The following SORBS2 variants were observed in gnomAD, a reference collection of about 807,000 sequenced individuals.
SORBS2 encodes sorbin and SH3 domain-containing protein 2.
SORBS2 carries 46 observed loss-of-function variants against 97.7 expected under a neutral mutation model. That is an observed-to-expected ratio of 0.47 (90% CI 0.37 to 0.60). The LOEUF (loss-of-function observed/expected upper bound fraction) is 0.60. Among genes scored for constraint, SORBS2 ranks in the 20% least tolerant of loss-of-function variants. SORBS2 has a pLI of 0.00. For synonymous variants in SORBS2, 476 were observed against 473.4 expected (o/e 1.01, Z -0.07); for missense variants, 1,316 against 1,282.3 (o/e 1.03, Z -0.40).
chr4:185,697,335 T>C lies in SORBS2; in HGVS notation c.-197-18513A>G, dbSNP rs189668808. ...AAGCAAGCCATATGGTTTATTAGAC[T>C]GATTTCTATGGATTTTCCCGTCTCC... On this transcript the variant is annotated intron_variant, in intron 2 of 20. Coordinates refer to the SORBS2 transcript ENST00000284776. 1.5e-3 allele frequency among the ~76,000 whole-genome samples: 222 copies of C among 152,332 alleles called. 2 individuals carry two copies. The highest frequency in any genetic ancestry group is 2.5e-3 in the Admixed American group (39 of 15,298).
At chr4:185,674,202 G>A (rs2097761626) in intron 4 of SORBS2, among the ~76,000 whole-genome samples, 1 of 152,152 alleles carries the variant, frequency 6.6e-6, no homozygotes, top group Non-Finnish European at 1.5e-5. Flanking sequence ...CAAACTTCCT[G>A]TTTCCCAAAT....
intron 1 of SORBS2, among the ~76,000 whole-genome samples, chr4:185,783,379 A>G (rs768540810): frequency 1.3e-5 from 2 of 152,166 alleles, no homozygotes; most frequent in Admixed American, 6.5e-5. Context: ...AGTAATATAG[A>G]TCTCCTCAGT....
intron 1 of SORBS2, among the ~76,000 whole-genome samples, chr4:185,783,056 A>G (rs939804818): frequency 1.3e-5 from 2 of 152,256 alleles, no homozygotes; most frequent in African/African-American, 2.4e-5. Flanking sequence ...GCACAATTCC[A>G]TAATTACTAT....
At chr4:185,809,763 C>T (rs2099171358) in intron 1 of SORBS2, among the ~76,000 whole-genome samples, 1 of 152,094 alleles carries the variant, frequency 6.6e-6, no homozygotes, top group Non-Finnish European at 1.5e-5. Flanking sequence ...AAGTGTGTGC[C>T]ATTCCTCCCG....
At chr4:185,745,738 T>C (rs2098755716) in intron 2 of SORBS2, among the ~76,000 whole-genome samples, 2 of 152,162 alleles carry the variant, frequency 1.3e-5, no homozygotes, top group East Asian at 1.9e-4. Flanking sequence ...CTTCAACGGA[T>C]ATATTTCATT....
At position 185,928,548 on chromosome 4, in the gene SORBS2, T is replaced by G. The variant is rs528259127; in HGVS notation, c.-338+27648A>C. Among the ~76,000 whole-genome samples, 218 of 152,062 alleles carry G rather than the reference T, an allele frequency of 1.4e-3. 1 individual carries two copies. Among genetic ancestry groups the G allele is most frequent in the African/African-American group, 2.7e-3 (114 of 41,476 alleles). On this transcript the variant is annotated intron_variant, in intron 1 of 20. Transcript: ENST00000284776. Reference sequence around the variant, plus strand: ...TCATGGATTTCATGTATAAGAAGCTTCTTCTTCTTTTTTTTGAGACGGAGT... The same window carrying G: ...TCATGGATTTCATGTATAAGAAGCTGCTTCTTCTTTTTTTTGAGACGGAGT...
rs560451494 is a variant in SORBS2 at position 185,623,881 on chromosome 4, T to C, written c.1248A>G (p.Glu416=). 4 of 1,614,114 alleles carry C rather than the reference T, an allele frequency of 2.5e-6. No homozygotes were observed. The African/African-American group carries it at 5.3e-5, about 22-fold the overall frequency. The change falls in exon 7 of 15, where the codon GAA becomes GAG. Residue 416 remains glutamate, a synonymous_variant. Transcript: ENST00000418609. The surrounding 1 kb of genome is among the most constrained non-coding windows in gnomAD (Gnocchi z 6.4). ...TGGACTTCTGGATCAGCTTTTCGAATTCGGAGATGCGTGTGGGCACCATGT... is the reference window on the plus strand; with the variant it reads ...TGGACTTCTGGATCAGCTTTTCGAACTCGGAGATGCGTGTGGGCACCATGT...
At chr4:185,830,330 T>A (rs1484919113) in intron 1 of SORBS2, among the ~76,000 whole-genome samples, 1 of 152,242 alleles carries the variant, frequency 6.6e-6, no homozygotes, top group Non-Finnish European at 1.5e-5. Context: ...ATTTGCAAGA[T>A]GACCATATAG....
At chr4:185,808,070 A>G (rs1451395910) in intron 1 of SORBS2, among the ~76,000 whole-genome samples, 3 of 152,188 alleles carry the variant, frequency 2.0e-5, no homozygotes, top group Non-Finnish European at 4.4e-5. Flanking sequence ...TTTAAGATGA[A>G]TAGAACCAAT....
chr4:185,777,796 AG>A (rs1363657589), intron 1 of SORBS2, among the ~76,000 whole-genome samples: 1 of 149,594 alleles, frequency 6.7e-6, no homozygotes, highest in African/African-American at 2.4e-5. Context: ...CAAAAAAAAA[AG>A]GTGAATGATG....
intron 1 of SORBS2, among the ~76,000 whole-genome samples, chr4:185,829,998 A>G (rs918474320): frequency 6.6e-6 from 1 of 152,210 alleles, no homozygotes; most frequent in East Asian, 1.9e-4. Context: ...CTATATATTA[A>G]TTAAATTAAA....
chr4:185,631,188 C>G (rs2096900637), intron 4 of SORBS2, among the ~76,000 whole-genome samples: 1 of 152,182 alleles, frequency 6.6e-6, no homozygotes, highest in Non-Finnish European at 1.5e-5. Flanking sequence ...GTACCTGGTA[C>G]TTCAATCAGG....
chr4:185,855,469 C>T (rs2099220225), intron 1 of SORBS2, among the ~76,000 whole-genome samples: 1 of 152,032 alleles, frequency 6.6e-6, no homozygotes, highest in Non-Finnish European at 1.5e-5. Context: ...ATTTTATTAA[C>T]CACTTGAAAT....
intron 13 of SORBS2, chr4:185,592,055 T>C (rs143738454): frequency 6.6e-6 from 1 of 152,356 alleles, no homozygotes; most frequent in Non-Finnish European, 1.5e-5. Context: ...AAAAATGCTG[T>C]TGTGAAAGAT....
At chr4:185,868,378 A>C (rs902704836) in intron 1 of SORBS2, among the ~76,000 whole-genome samples, 1 of 151,314 alleles carries the variant, frequency 6.6e-6, no homozygotes, top group Admixed American at 6.6e-5. Context: ...GGATGGTCTC[A>C]ATCTCCTGAT....
chr4:185,716,497 G>T (rs2098466220), intron 2 of SORBS2, among the ~76,000 whole-genome samples: 1 of 152,240 alleles, frequency 6.6e-6, no homozygotes, highest in Non-Finnish European at 1.5e-5. Context: ...GGCACCGACA[G>T]GTGTGACTAG....
intron 1 of SORBS2, among the ~76,000 whole-genome samples, chr4:185,912,294 A>G (rs757236946): frequency 6.6e-6 from 1 of 152,098 alleles, no homozygotes; most frequent in African/African-American, 2.4e-5. Flanking sequence ...TTAAAGATAG[A>G]TAATGCTAGG....
intron 1 of SORBS2, among the ~76,000 whole-genome samples, chr4:185,895,738 A>C (rs1476285844): frequency 6.6e-6 from 1 of 152,250 alleles, no homozygotes; most frequent in Non-Finnish European, 1.5e-5. Context: ...AACTTGAAGA[A>C]CAGTGACTTT....
At chr4:185,801,090 G>A (rs556415388) in intron 1 of SORBS2, among the ~76,000 whole-genome samples, 1 of 152,284 alleles carries the variant, frequency 6.6e-6, no homozygotes, top group Non-Finnish European at 1.5e-5. Context: ...CTGTTTCTAT[G>A]AGTTCAACAT....
Sources: allele counts gnomAD v4.1 joint callset (sites outside exome capture counted in the v4.1 genomes callset), GRCh38; gene constraint gnomAD v4.1.1; non-coding constraint Gnocchi (gnomAD v3.1); transcripts MANE v1.5; gene names NCBI Gene and HGNC (gene_info 2026-07-23, HGNC 2026-07-21).